NDNF: variants seen among roughly 807,000 people sequenced by gnomAD.
NDNF encodes protein NDNF.
Under a neutral mutation model 42.0 loss-of-function variants are expected in NDNF, and 16 were observed. The observed-to-expected ratio is 0.38, with a 90% CI of 0.26 to 0.58. The LOEUF (loss-of-function observed/expected upper bound fraction) is 0.58. Ranked by LOEUF, NDNF falls within the 20% of genes least tolerant of loss-of-function variation. The pLI, the probability that NDNF is intolerant of heterozygous loss-of-function variation, is 0.67. For missense variants in NDNF, 616 were observed against 666.2 expected, an observed-to-expected ratio of 0.92 and a Z score of 0.83; for synonymous variants, 248 against 251.7, an observed-to-expected ratio of 0.99 and a Z score of 0.14.
rs1380247852 is a variant in NDNF at position 121,037,799 on chromosome 4, A to G, written c.314-142T>C. The G allele has an allele frequency of 2.2e-5, 13 of 584,242 alleles. No homozygotes were observed. In the East Asian group the frequency reaches 3.4e-4, roughly 15 times the overall value. 36.2% of individuals were successfully genotyped at this position (584,242 alleles called of 1,614,324 possible). Reference sequence around the variant, plus strand: ...GTAAAAATATTTATAAATGTATTCAAGATAATATTTATTTTGACCATTATA... The same window carrying G: ...GTAAAAATATTTATAAATGTATTCAGGATAATATTTATTTTGACCATTATA... On this transcript the variant is annotated intron_variant, in intron 3 of 3. Coordinates refer to ENST00000379692, the MANE Select transcript of NDNF (RefSeq NM_024574.4).
At chr4:121,044,370 G>C (rs959102088) in intron 2 of NDNF, among the ~76,000 whole-genome samples, 1 of 152,122 alleles carries the variant, frequency 6.6e-6, no homozygotes, top group East Asian at 1.9e-4. Context: ...TGTATCCCAG[G>C]TTAGAAGGAG....
intron 2 of NDNF, among the ~76,000 whole-genome samples, chr4:121,041,733 G>T (rs1560604138): frequency 6.6e-6 from 1 of 152,138 alleles, no homozygotes; most frequent in Non-Finnish European, 1.5e-5. Context: ...AACATTCCTT[G>T]AGATTTATTT....
rs755005486 is a variant in NDNF at position 121,036,563 on chromosome 4, G to C, written c.1408C>G (p.Leu470Val). Residue 470 changes from leucine (L) to valine (V), a missense_variant, in exon 4 of 4, where the codon CTA becomes GTA. Coordinates refer to ENST00000379692, the MANE Select transcript of NDNF (RefSeq NM_024574.4). ...AACTTGTTCCTTTCCTGAGTGCCTAGCCAAGCCACGGTGGCTGAGGAACAG... is the reference window on the plus strand; with the variant it reads ...AACTTGTTCCTTTCCTGAGTGCCTACCCAAGCCACGGTGGCTGAGGAACAG... Reference protein sequence around the residue: ...RTCSSATVAWLGTQERNKFCI... With the variant: ...RTCSSATVAWVGTQERNKFCI... 1.2e-6 allele frequency: 2 copies of C among 1,613,892 alleles called. No homozygotes were observed. Among genetic ancestry groups the C allele is most frequent in the Admixed American group, 1.7e-5 (1 of 59,986 alleles).
At chr4:121,063,392 C>T (rs547835962) in intron 1 of NDNF, among the ~76,000 whole-genome samples, 8 of 152,088 alleles carry the variant, frequency 5.3e-5, no homozygotes, top group African/African-American at 1.4e-4. Flanking sequence ...TTCCTTTTTC[C>T]GATAACTTGT....
Position 121,054,077 on chromosome 4 carries a change from C to G in NDNF, c.-1-8239G>C, listed in dbSNP as rs547204975. Among the ~76,000 whole-genome samples the G allele has an allele frequency of 7.9e-5, 12 of 152,198 alleles. No individual in the cohort carries two copies. The East Asian group carries it at 2.3e-3, about 29-fold the overall frequency. ...ACCATAAAAATTTGATTTTTTATAG[C>G]CATTTATCCAAGAAGTTAACTCTTC... On this transcript the variant is annotated intron_variant, in intron 1 of 3. Transcript: ENST00000379692.
At chr4:121,057,550 G>A (rs1727317743) in intron 1 of NDNF, among the ~76,000 whole-genome samples, 1 of 152,144 alleles carries the variant, frequency 6.6e-6, no homozygotes, top group South Asian at 2.1e-4. Flanking sequence ...TTAAATCCAG[G>A]GAGGACACCA....
At chr4:121,070,157 T>G (rs981062485) in intron 1 of NDNF, among the ~76,000 whole-genome samples, 1 of 152,188 alleles carries the variant, frequency 6.6e-6, no homozygotes, top group Non-Finnish European at 1.5e-5. Context: ...GAGACTGACA[T>G]AAACTCAAAC....
At chr4:121,064,199 G>A (rs1355245279) in intron 1 of NDNF, among the ~76,000 whole-genome samples, 1 of 152,182 alleles carries the variant, frequency 6.6e-6, no homozygotes, top group African/African-American at 2.4e-5. Flanking sequence ...TGTGAGTTTA[G>A]GTAAGTCAGA....
rs1353567114 is a variant in NDNF at position 121,072,512 on chromosome 4, C to G, written c.-521G>C. On this transcript the variant is annotated 5_prime_UTR_variant, in exon 1 of 4. Transcript: ENST00000379692. ...TGCGCTGCTCAGTTAGCTCCACTCT[C>G]TCGCGGCTGGAAGTGGGGAGTGTGT... 2.6e-5 allele frequency: 4 copies of G among 151,554 alleles called. No individual in the cohort carries two copies. The highest frequency in any genetic ancestry group is 3.9e-4 in the East Asian group (2 of 5,138). 9.4% of individuals were successfully genotyped at this position (151,554 alleles called of 1,614,324 possible). A position where few individuals can be genotyped will look rare whatever the true frequency, so the allele number is the denominator to read the frequency against.
rs1323350680 is a variant in NDNF at position 121,036,677 on chromosome 4, T to C, written c.1294A>G (p.Lys432Glu). ...KGNKKGASML[K>E]ILATTRPTKQ... ...GTAGGCCTTGTGGTAGCTAGAATTT[T>C]CAACATAGATGCTCCTTTCTTGTTT... The change falls in exon 4 of 4, where the codon AAA (lysine) becomes GAA (glutamate). Residue 432 changes from lysine to glutamate, a missense_variant. Coordinates refer to ENST00000379692, the MANE Select transcript of NDNF (RefSeq NM_024574.4). 6.2e-7 allele frequency: 1 copy of C among 1,614,062 alleles called. No individual in the cohort carries two copies. The highest frequency in any genetic ancestry group is 1.3e-5 in the African/African-American group (1 of 74,924).
rs145143036 is a variant in NDNF at position 121,044,719 on chromosome 4, C to T, written c.188+931G>A. On this transcript the variant is annotated intron_variant, in intron 2 of 3. Transcript: ENST00000379692. ...GTGTCTCATGCCTGTAATCCCAACA[C>T]TTTGGGATGCTGAGGCAGGAGGATC... Among the ~76,000 whole-genome samples the T allele has an allele frequency of 3.3e-3, 495 of 152,200 alleles. 2 individuals carry two copies. The highest frequency in any genetic ancestry group is 0.012 in the African/African-American group (481 of 41,522).
At chr4:121,066,431 A>C (rs1247069162) in intron 1 of NDNF, among the ~76,000 whole-genome samples, 1 of 152,188 alleles carries the variant, frequency 6.6e-6, no homozygotes, top group Non-Finnish European at 1.5e-5. Flanking sequence ...TAACAGCTAA[A>C]TTGGACAAAG....
chr4:121,063,833 T>C (rs949413105), intron 1 of NDNF, among the ~76,000 whole-genome samples: 2 of 152,216 alleles, frequency 1.3e-5, no homozygotes, highest in Non-Finnish European at 2.9e-5. Context: ...TTTATCACTG[T>C]TAGCCCTTTG....
In NDNF at chr4:121,037,124, T is replaced by C; in HGVS notation, c.847A>G (p.Arg283Gly). ...ATTTTCTGAATATCAACCTTGGGCC[T>C]GGAGTAGACATGACGCCCCAGTTTT... ...SPKLGRHVYS[R>G]PKVDIQKICI... Residue 283 changes from arginine to glycine, a missense_variant, in exon 4 of 4, where the codon AGG becomes GGG. By Grantham distance (125) the Arg-to-Gly change is moderately radical (BLOSUM62 -2). Coordinates refer to ENST00000379692, the MANE Select transcript of NDNF (RefSeq NM_024574.4). 6.2e-7 allele frequency: 1 copy of C among 1,614,008 alleles called. No homozygotes were observed.
intron 2 of NDNF, among the ~76,000 whole-genome samples, chr4:121,041,096 T>TA (rs1560603950): frequency 6.6e-6 from 1 of 152,204 alleles, no homozygotes; most frequent in African/African-American, 2.4e-5. Context: ...AAACAAAATT[T>TA]AAAAAATCAA....
intron 1 of NDNF, among the ~76,000 whole-genome samples, chr4:121,069,391 G>C (rs1245758687): frequency 6.6e-6 from 1 of 152,156 alleles, no homozygotes; most frequent in African/African-American, 2.4e-5. Context: ...CATCCTAAGA[G>C]ATAAAAGCTG....
chr4:121,062,656 C>T (rs1326811492), intron 1 of NDNF, among the ~76,000 whole-genome samples: 1 of 152,138 alleles, frequency 6.6e-6, no homozygotes. Context: ...AATCCTTTCC[C>T]CCCCAAGGAA....
intron 1 of NDNF, among the ~76,000 whole-genome samples, chr4:121,050,883 C>T (rs1727181939): frequency 1.3e-5 from 2 of 152,018 alleles, no homozygotes; most frequent in Admixed American, 6.6e-5. Flanking sequence ...CTTTGGAATG[C>T]CAATATCCTA....
At chr4:121,041,354 G>T (rs796816023) in intron 2 of NDNF, among the ~76,000 whole-genome samples, 17 of 152,198 alleles carry the variant, frequency 1.1e-4, no homozygotes, top group African/African-American at 4.1e-4. Context: ...TGAACCTCCT[G>T]GATATCTCTT....
Sources: allele counts gnomAD v4.1 joint callset (sites outside exome capture counted in the v4.1 genomes callset), GRCh38; gene constraint gnomAD v4.1.1; transcripts MANE v1.5; gene names NCBI Gene and HGNC (gene_info 2026-07-23, HGNC 2026-07-21).